The following EGFR variants were observed in gnomAD, a reference collection of about 807,000 sequenced individuals.
The protein encoded by EGFR is avian erythroblastic leukemia viral (v-erb-b) oncogene homolog.
A neutral mutation model predicts 143.0 loss-of-function variants in EGFR; 58 were observed. The observed-to-expected ratio is 0.41, with a 90% CI of 0.33 to 0.50. The LOEUF is 0.50. Among genes scored for constraint, EGFR ranks in the 20% least tolerant of loss-of-function variants. EGFR has a pLI of 0.39. For synonymous variants in EGFR, 613 were observed against 594.4 expected (o/e 1.03, Z -0.45); for missense variants, 1,307 against 1,579.0 (o/e 0.83, Z 2.92).
At chr7:55,182,022 G>C (rs1174747125) in intron 20 of EGFR, 1 of 189,542 alleles carries the variant, frequency 5.3e-6, no homozygotes, top group Non-Finnish European at 1.1e-5. Flanking sequence ...GCCAGGGCGG[G>C]GCTGAGAGAG....
chr7:55,072,995 G>T (rs1255807263), intron 1 of EGFR, among the ~76,000 whole-genome samples: 1 of 152,148 alleles, frequency 6.6e-6, no homozygotes, highest in Admixed American at 6.5e-5. Flanking sequence ...ACTACTTTTA[G>T]ATAAGGAATT....
chr7:55,206,367 C>A lies in EGFR; in HGVS notation c.*750C>A. ...TAGACTGACTTGTTTGTCTTCCATT[C>A]CATTGTTTTGAAACTCAGTATGCTG... On this transcript the variant is annotated 3_prime_UTR_variant, in exon 28 of 28. Coordinates refer to ENST00000275493, the MANE Select transcript of EGFR (RefSeq NM_005228.5). 4.3e-6 allele frequency: 1 copy of A among 233,474 alleles called. No homozygotes were observed. Among genetic ancestry groups the A allele is most frequent in the Non-Finnish European group, 8.5e-6 (1 of 118,200 alleles). The allele number at this position is 233,474 out of a possible 1,614,324, so 14.5% of individuals were successfully genotyped here. A position where few individuals can be genotyped will look rare whatever the true frequency, so the allele number is the denominator to read the frequency against.
chr7:55,167,016 G>A (rs1442834329), intron 15 of EGFR, among the ~76,000 whole-genome samples: 2 of 136,644 alleles, frequency 1.5e-5, no homozygotes, highest in Non-Finnish European at 3.1e-5. Flanking sequence ...TCACAATGGT[G>A]TCAGTGTTGA....
intron 1 of EGFR, among the ~76,000 whole-genome samples, chr7:55,023,501 A>T (rs1786693055): frequency 6.6e-6 from 1 of 152,080 alleles, no homozygotes; most frequent in African/African-American, 2.4e-5. Flanking sequence ...TACAAAAAAA[A>T]TTAGCTGGGC....
At chr7:55,036,383 G>A (rs1483975052) in intron 1 of EGFR, among the ~76,000 whole-genome samples, 5 of 151,684 alleles carry the variant, frequency 3.3e-5, no homozygotes, top group African/African-American at 9.7e-5. Flanking sequence ...CCTAAATGAG[G>A]GTCTTTGGAA....
chr7:55,085,501 G>C (rs546976605), intron 1 of EGFR, among the ~76,000 whole-genome samples: 2 of 152,288 alleles, frequency 1.3e-5, no homozygotes, highest in African/African-American at 4.8e-5. Context: ...ATGAGATGAG[G>C]AGTGTTCTTA....
At chr7:55,115,515 C>T (rs1198676367) in intron 1 of EGFR, among the ~76,000 whole-genome samples, 1 of 152,100 alleles carries the variant, frequency 6.6e-6, no homozygotes, top group Non-Finnish European at 1.5e-5. Context: ...TTTAGCTATT[C>T]CTTCTCTTAA....
chr7:55,120,968 G>A (rs1007074737), intron 1 of EGFR, among the ~76,000 whole-genome samples: 5 of 152,198 alleles, frequency 3.3e-5, no homozygotes, highest in African/African-American at 1.2e-4. Flanking sequence ...TTTGTTGCAA[G>A]TTGGGACTTT....
intron 1 of EGFR, among the ~76,000 whole-genome samples, chr7:55,061,436 T>G (rs1789160940): frequency 6.6e-6 from 1 of 152,178 alleles, no homozygotes; most frequent in Non-Finnish European, 1.5e-5. Flanking sequence ...CATGTCAATG[T>G]GAATTTTAAG....
At chr7:55,201,153 G>C (rs766654453) in intron 24 of EGFR, 35 bp from the exon 25 acceptor site, 1 of 1,613,854 alleles carries the variant, frequency 6.2e-7, no homozygotes, top group East Asian at 2.2e-5. Context: ...GCATCTCTAC[G>C]GGCCATTCTA....
chr7:55,192,192 A>G (rs1454142906), intron 21 of EGFR, among the ~76,000 whole-genome samples: 2 of 152,198 alleles, frequency 1.3e-5, no homozygotes, highest in African/African-American at 4.8e-5. Context: ...GAAAGGTCAC[A>G]GCTGCCTTGG....
chr7:55,088,283 C>G (rs1019453652), intron 1 of EGFR, among the ~76,000 whole-genome samples: 1 of 152,176 alleles, frequency 6.6e-6, no homozygotes, highest in Admixed American at 6.5e-5. Context: ...GGGGAGGCCC[C>G]CTTCGCACAA....
intron 1 of EGFR, among the ~76,000 whole-genome samples, chr7:55,137,002 T>C (rs1254599348): frequency 6.6e-6 from 1 of 152,226 alleles, no homozygotes; most frequent in East Asian, 1.9e-4. Context: ...AACAAATTCA[T>C]AGGCAAATAA....
chr7:55,175,674 C>T (rs1189372210), intron 19 of EGFR, among the ~76,000 whole-genome samples: 2 of 152,170 alleles, frequency 1.3e-5, no homozygotes, highest in African/African-American at 4.8e-5. Context: ...TGACTTATTA[C>T]CTCAAAACTC....
At chr7:55,068,685 A>T (rs1169460840) in intron 1 of EGFR, among the ~76,000 whole-genome samples, 4 of 152,224 alleles carry the variant, frequency 2.6e-5, no homozygotes, top group African/African-American at 9.7e-5. Flanking sequence ...TCATGCACAG[A>T]TGGCTGAAGT....
intron 1 of EGFR, among the ~76,000 whole-genome samples, chr7:55,032,176 G>T (rs934632966): frequency 6.6e-6 from 1 of 152,174 alleles, no homozygotes; most frequent in Non-Finnish European, 1.5e-5. Context: ...GCCATAAAAG[G>T]CCCAGTTAAG....
chr7:55,197,827 CT>C (rs1284871847), intron 22 of EGFR, among the ~76,000 whole-genome samples: 1 of 152,228 alleles, frequency 6.6e-6, no homozygotes, highest in Non-Finnish European at 1.5e-5. Flanking sequence ...TTGAACCAAT[CT>C]TGCATCCCAG....
chr7:55,126,314 T>C (rs934060853), intron 1 of EGFR, among the ~76,000 whole-genome samples: 2 of 152,214 alleles, frequency 1.3e-5, no homozygotes, highest in South Asian at 2.1e-4. Flanking sequence ...TTTTTGCACA[T>C]ACTAATCCTA....
chr7:55,092,302 GC>G (rs1791175877), intron 1 of EGFR, among the ~76,000 whole-genome samples: 1 of 152,198 alleles, frequency 6.6e-6, no homozygotes, highest in Non-Finnish European at 1.5e-5. Flanking sequence ...GCCCAGGAGT[GC>G]CCTAGAGGAT....
Sources: gnomAD v4.1 joint callset for allele counts (sites outside exome capture counted in the v4.1 genomes callset) on GRCh38, gnomAD v4.1.1 for gene constraint, MANE v1.5 for transcripts, NCBI Gene and HGNC (gene_info 2026-07-23, HGNC 2026-07-21) for gene names.